The following MKLN1 variants were observed in gnomAD, a reference collection of about 807,000 sequenced individuals.
MKLN1 encodes muskelin.
In MKLN1, 18 loss-of-function variants were observed where a neutral mutation model predicts 99.0. The ratio of observed to expected loss-of-function variants is 0.18; its 90% CI spans 0.13 to 0.27. The LOEUF (loss-of-function observed/expected upper bound fraction) is 0.27, where lower values mean the gene tolerates loss of function less well. Ranked by LOEUF, MKLN1 falls within the 10% of genes least tolerant of loss-of-function variation. The pLI, the probability that MKLN1 is intolerant of heterozygous loss-of-function variation, is 1.00. For synonymous variants in MKLN1, 288 were observed against 293.2 expected, an observed-to-expected ratio of 0.98 and a Z score of 0.18; for missense variants, 621 against 875.9, an observed-to-expected ratio of 0.71 and a Z score of 3.67.
intron 6 of MKLN1, among the ~76,000 whole-genome samples, chr7:131,408,983 AATTTT>A (rs1172556917): frequency 2.0e-5 from 3 of 152,182 alleles, no homozygotes; most frequent in Admixed American, 1.3e-4. Context: ...GGATAGTTTT[AATTTT>A]ATCTGACTGT....
chr7:131,431,299 C>T (rs1795515053), intron 9 of MKLN1, among the ~76,000 whole-genome samples: 2 of 152,098 alleles, frequency 1.3e-5, no homozygotes, highest in Admixed American at 1.3e-4. Flanking sequence ...CTGCTTAAAC[C>T]CTGTGGTTAG....
intron 1 of MKLN1, among the ~76,000 whole-genome samples, chr7:131,333,446 T>C (rs997552474): frequency 3.9e-5 from 6 of 152,216 alleles, no homozygotes; most frequent in African/African-American, 1.4e-4. Context: ...TCCCGTGTTA[T>C]TAGACATTTA....
chr7:131,228,607 C>G (rs1230102592), intron 3 of MKLN1, among the ~76,000 whole-genome samples: 1 of 152,138 alleles, frequency 6.6e-6, no homozygotes, highest in East Asian at 1.9e-4. Context: ...AATAAGATCT[C>G]TTTTATGGGT....
At chr7:131,431,985 A>G (rs932823313) in intron 9 of MKLN1, among the ~76,000 whole-genome samples, 1 of 152,200 alleles carries the variant, frequency 6.6e-6, no homozygotes, top group Non-Finnish European at 1.5e-5. Flanking sequence ...CTTTCTCTGT[A>G]AAGCCTTTCT....
intron 3 of MKLN1, among the ~76,000 whole-genome samples, chr7:131,279,272 T>A (rs1166464987): frequency 1.3e-5 from 2 of 152,168 alleles, no homozygotes; most frequent in Admixed American, 1.3e-4. Context: ...TAGGGGGAGA[T>A]TGTGCAACAC....
At chr7:131,211,615 T>A (rs370745522) in intron 3 of MKLN1, among the ~76,000 whole-genome samples, 1 of 148,814 alleles carries the variant, frequency 6.7e-6, no homozygotes, top group African/African-American at 2.5e-5. Context: ...TTTTTTTTTT[T>A]AACAGTTTTG....
At chr7:131,261,613 T>A (rs1797732378) in intron 3 of MKLN1, among the ~76,000 whole-genome samples, 1 of 152,188 alleles carries the variant, frequency 6.6e-6, no homozygotes, top group African/African-American at 2.4e-5. Context: ...AAAACAGAAG[T>A]ACCATTCCAC....
In MKLN1 at chr7:131,157,225, CA is replaced by C. The variant is rs565858318; in HGVS notation, c.-297+14290del. Among the ~76,000 whole-genome samples the C allele has an allele frequency of 5.5e-4, 84 of 152,098 alleles. 2 individuals are homozygous for C. Among genetic ancestry groups the C allele is most frequent in the Admixed American group, 4.9e-3 (75 of 15,260 alleles). ...TGAAGCCCTGTCTCTACAAAAAATA[CA>C]AAAAATAAAATAAAATAAAAATGTA... On this transcript the variant is annotated intron_variant, in intron 2 of 7. Coordinates refer to the MKLN1 transcript ENST00000416992.
intron 12 of MKLN1, among the ~76,000 whole-genome samples, chr7:131,460,604 CTCACAATCTACT>C (rs1796487123): frequency 6.6e-6 from 1 of 152,224 alleles, no homozygotes; most frequent in Admixed American, 6.5e-5. Context: ...AGAAGCCTTC[CTCACAATCTACT>C]TCTTCTCTTT....
intron 3 of MKLN1, among the ~76,000 whole-genome samples, chr7:131,302,919 C>T (rs1433621447): frequency 1.3e-5 from 2 of 152,166 alleles, no homozygotes; most frequent in African/African-American, 4.8e-5. Flanking sequence ...CGCTGAGAGG[C>T]CAGGTCTACA....
chr7:131,372,147 T>G (rs1793482713), intron 1 of MKLN1, among the ~76,000 whole-genome samples: 2 of 152,072 alleles, frequency 1.3e-5, no homozygotes. Context: ...TTTATTATAC[T>G]TCATGATTTT....
chr7:131,212,130 G>T (rs1796914825), intron 3 of MKLN1, among the ~76,000 whole-genome samples: 1 of 152,222 alleles, frequency 6.6e-6, no homozygotes, highest in Non-Finnish European at 1.5e-5. Context: ...CCTTTCTGCT[G>T]CTGGCTCCTA....
At chr7:131,309,874 C>T (rs1167589795) in intron 3 of MKLN1, 3 of 151,922 alleles carry the variant, frequency 2.0e-5, no homozygotes, top group South Asian at 2.1e-4. Flanking sequence ...TACAGGTGCC[C>T]GCCACCACGC....
In MKLN1 at chr7:131,443,388, T is replaced by C. The variant is rs1428690807; in HGVS notation, c.1174-93T>C. ...CATTAGGGACAAAGTTTAGGGTTTT[T>C]TTGAGAATGTAAAACTGTACATGTT... On this transcript the variant is annotated intron_variant, in intron 10 of 17. Coordinates refer to ENST00000352689, the MANE Select transcript of MKLN1 (RefSeq NM_013255.5). 1.5e-5 allele frequency: 13 copies of C among 886,822 alleles called. No homozygotes were observed. In the Admixed American group the frequency reaches 2.6e-4, roughly 18 times the overall value. 54.9% of individuals were successfully genotyped at this position (886,822 alleles called of 1,614,324 possible). A position where few individuals can be genotyped will look rare whatever the true frequency, so the allele number is the denominator to read the frequency against.
intron 2 of MKLN1, among the ~76,000 whole-genome samples, chr7:131,176,483 C>T (rs1796300989): frequency 1.3e-5 from 2 of 152,140 alleles, no homozygotes; most frequent in South Asian, 4.1e-4. Flanking sequence ...GATTTCTTGT[C>T]TTTTAAGCCT....
chr7:131,417,746 G>A (rs960184627), intron 8 of MKLN1, among the ~76,000 whole-genome samples: 2 of 152,112 alleles, frequency 1.3e-5, no homozygotes, highest in African/African-American at 4.8e-5. Context: ...ACAGAAATAG[G>A]GATAGAAGTG....
In MKLN1 at chr7:131,478,794, G is replaced by A. The variant is rs550528827; in HGVS notation, c.2086+117G>A. 2.4e-5 allele frequency: 29 copies of A among 1,228,438 alleles called. No homozygotes were observed. In the South Asian group the frequency reaches 3.6e-4, roughly 15 times the overall value. The allele number at this position is 1,228,438 out of a possible 1,614,324, so 76.1% of individuals were successfully genotyped here. On this transcript the variant is annotated intron_variant, in intron 17 of 17. Transcript: ENST00000352689. ...GTTTCAGTCAAATAGATGAGCAAAT[G>A]AAGTTTCAAGGTATCATGCAAAATT... is the stretch of plus-strand genomic sequence containing the variant.
intron 8 of MKLN1, among the ~76,000 whole-genome samples, chr7:131,418,365 G>A (rs1274457062): frequency 8.7e-5 from 10 of 114,380 alleles, no homozygotes; most frequent in African/African-American, 2.8e-4. Context: ...GCAAGACTTC[G>A]TCTCAAAAAA....
intron 3 of MKLN1, among the ~76,000 whole-genome samples, chr7:131,299,685 T>G (rs1563283789): frequency 1.3e-5 from 2 of 152,228 alleles, no homozygotes; most frequent in Non-Finnish European, 2.9e-5. Flanking sequence ...TAAACAGAAC[T>G]AACATCAGAA....
Sources: allele counts gnomAD v4.1 joint callset (sites outside exome capture counted in the v4.1 genomes callset), GRCh38; gene constraint gnomAD v4.1.1; transcripts MANE v1.5; gene names NCBI Gene and HGNC (gene_info 2026-07-23, HGNC 2026-07-21).